The following POGZ variants were observed in gnomAD, a reference collection of about 807,000 sequenced individuals.
POGZ encodes the protein pogo transposable element with ZNF domain.
A neutral mutation model predicts 134.6 loss-of-function variants in POGZ; 17 were observed. That is an observed-to-expected ratio of 0.13 (90% confidence interval 0.09 to 0.19). The LOEUF (loss-of-function observed/expected upper bound fraction) is 0.19. Among genes scored for constraint, POGZ ranks in the 10% least tolerant of loss-of-function variants. The pLI is 1.00. For missense variants in POGZ, 1,306 were observed against 1,769.7 expected (o/e 0.74, Z 4.70); for synonymous variants, 693 against 657.1 (o/e 1.05, Z -0.84).
intron 1 of POGZ, among the ~76,000 whole-genome samples, chr1:151,453,508 A>G (rs1662397407): frequency 6.6e-6 from 1 of 150,610 alleles, no homozygotes; most frequent in African/African-American, 2.4e-5. Context: ...TAGTTAAATA[A>G]GAAATAACAA....
Position 151,429,639 on chromosome 1 carries a change from GCTGTACGTT to G in POGZ, c.523_531del (p.Asn175_Gln177del). The G allele has an allele frequency of 6.2e-7, 1 of 1,611,254 alleles. No homozygotes were observed. Among genetic ancestry groups the G allele is most frequent in the Non-Finnish European group, 8.5e-7 (1 of 1,177,440 alleles). On this transcript the variant is annotated inframe_deletion, in exon 5 of 19. Coordinates refer to ENST00000271715, the MANE Select transcript of POGZ (RefSeq NM_015100.4). ...GTAATTGGTCTAACCGTTTGGCCTT[GCTGTACGTT>G]CAGCACAATCCCAACCTGATTCATT...
rs1465184335 is a variant in POGZ, at chr1:151,408,491, G to A, written c.2152C>T (p.Leu718=). 1 of 1,594,540 alleles carries A rather than the reference G, an allele frequency of 6.3e-7. No homozygotes were observed. Among genetic ancestry groups the A allele is most frequent in the Admixed American group, 1.9e-5 (1 of 52,712 alleles). ...GGCAGAGGGTCCATTGAGGAGGTCA[G>A]CGGTGCTGCCTCCTGCAAGGCGCTG... ...PPSALQEAAP[L]TSSMDPLPVF... Residue 718 remains leucine, a synonymous_variant, in exon 14 of 19, where the codon CTG becomes TTG. Transcript: ENST00000271715.
intron 1 of POGZ, among the ~76,000 whole-genome samples, chr1:151,449,536 G>A (rs562367002): frequency 3.3e-5 from 5 of 152,030 alleles, no homozygotes; most frequent in Non-Finnish European, 7.4e-5. Context: ...TTCTGAAAAC[G>A]AGGGCAATTA....
Position 151,428,179 on chromosome 1 carries a change from C to A in POGZ, c.803G>T (p.Gly268Val). ...GCCTGGAGACTGAACAGCTAGTTGC[C>A]CCAGTGAGGTTGGCTGTGTGGCAGT... is the stretch of plus-strand genomic sequence containing the variant. ...TPTATQPTSL[G>V]QLAVQSPGQS... The change falls in exon 6 of 19, where the codon GGG becomes GTG. Residue 268 changes from glycine to valine, a missense_variant. Transcript: ENST00000271715. The A allele has an allele frequency of 1.2e-6, 2 of 1,614,144 alleles. No individual in the cohort carries two copies. The highest frequency in any genetic ancestry group is 1.7e-6 in the Non-Finnish European group (2 of 1,180,034).
chr1:151,430,704 A>G lies in POGZ; in HGVS notation c.421T>C (p.Ser141Pro), dbSNP rs1658542036. 6.2e-7 allele frequency: 1 copy of G among 1,609,410 alleles called. No individual in the cohort carries two copies. Among genetic ancestry groups the G allele is most frequent in the African/African-American group, 1.3e-5 (1 of 74,280 alleles). The change falls in exon 4 of 19, where the codon TCC becomes CCC. Residue 141 changes from serine to proline, a missense_variant. Ser to Pro is a moderately conservative substitution (Grantham distance 74). Transcript: ENST00000271715. The part of the protein sequence containing the change: ...VMQNANHVTS[S>P]PVASQPIFIT... Reference sequence around the variant, plus strand: ...AATATTGGTTGTGAGGCCACAGGGGAACTAGTCACATGATTGGCATTCTGC... The same window carrying G: ...AATATTGGTTGTGAGGCCACAGGGGGACTAGTCACATGATTGGCATTCTGC...
At chr1:151,421,702 T>C (rs1342728852) in intron 10 of POGZ, among the ~76,000 whole-genome samples, 2 of 152,212 alleles carry the variant, frequency 1.3e-5, no homozygotes, top group African/African-American at 2.4e-5. Flanking sequence ...AATTCTAGGC[T>C]GAAGCATCCA....
rs1030236794 is a variant in POGZ at position 151,441,281 on chromosome 1, G to A, written c.125-195C>T. On this transcript the variant is annotated intron_variant, in intron 2 of 18. Coordinates refer to ENST00000271715, the MANE Select transcript of POGZ (RefSeq NM_015100.4). ...ACCATTTAAACACAATCCCTTCTTC[G>A]TCTCACATCTCCTGGTTAATTAAGT... Among the ~76,000 whole-genome samples, 5 of 151,982 alleles carry A rather than the reference G, an allele frequency of 3.3e-5. No homozygotes were observed. The East Asian group carries it at 5.8e-4, about 18-fold the overall frequency.
intron 10 of POGZ, among the ~76,000 whole-genome samples, chr1:151,415,978 C>CAG (rs1403419584): frequency 6.6e-6 from 1 of 151,928 alleles, no homozygotes; most frequent in Non-Finnish European, 1.5e-5. Flanking sequence ...CTTTGGGAGG[C>CAG]AGAGGCAGGC....
In POGZ at chr1:151,429,475, T is replaced by C. The variant is rs1054539041; in HGVS notation, c.568+128A>G. ...CAGATTTTTTAAAATTGGGCTTAAATCATTAATATTTTTATATTTTTAGAT... is the reference window on the plus strand; with the variant it reads ...CAGATTTTTTAAAATTGGGCTTAAACCATTAATATTTTTATATTTTTAGAT... On this transcript the variant is annotated intron_variant, in intron 5 of 18. Coordinates refer to ENST00000271715, the MANE Select transcript of POGZ (RefSeq NM_015100.4). The C allele has an allele frequency of 1.8e-5, 8 of 453,074 alleles. No homozygotes were observed. The East Asian group carries it at 2.8e-4, about 16-fold the overall frequency. 28.1% of individuals were successfully genotyped at this position (453,074 alleles called of 1,614,324 possible).
chr1:151,438,379 C>T (rs2102350004), intron 3 of POGZ, among the ~76,000 whole-genome samples: 1 of 152,040 alleles, frequency 6.6e-6, no homozygotes. Flanking sequence ...TGGTTACTTA[C>T]CAGTCTATAC....
At chr1:151,426,644 G>C (rs112737556) in intron 7 of POGZ, 1 of 151,998 alleles carries the variant, frequency 6.6e-6, no homozygotes, top group Non-Finnish European at 1.5e-5. Context: ...TGTTGACAAC[G>C]TCCTGCACAA....
At position 151,459,250 on chromosome 1, in the gene POGZ, A is replaced by C. The variant is rs1209859590; in HGVS notation, c.-100T>G. ...GCCAGAAGGGGGTGGGAGCAGGGGG[A>C]GGGGACGGGGGCTTGGGGGGAGACG... On this transcript the variant is annotated 5_prime_UTR_variant, in exon 1 of 19. Coordinates refer to ENST00000271715, the MANE Select transcript of POGZ (RefSeq NM_015100.4). 1 of 93,038 alleles carries C rather than the reference A, an allele frequency of 1.1e-5. No individual in the cohort carries two copies. The highest frequency in any genetic ancestry group is 2.4e-5 in the Non-Finnish European group (1 of 42,002). The allele number at this position is 93,038 out of a possible 1,614,324, so 5.8% of individuals were successfully genotyped here. A position where few individuals can be genotyped will look rare whatever the true frequency, so the allele number is the denominator to read the frequency against.
At chr1:151,436,215 C>T (rs1415908401) in intron 3 of POGZ, among the ~76,000 whole-genome samples, 1 of 152,150 alleles carries the variant, frequency 6.6e-6, no homozygotes, top group African/African-American at 2.4e-5. Flanking sequence ...GCCTTGGCTT[C>T]CCAAAGTGCT....
At chr1:151,421,819 C>T (rs968212775) in intron 10 of POGZ, among the ~76,000 whole-genome samples, 6 of 152,210 alleles carry the variant, frequency 3.9e-5, no homozygotes, top group African/African-American at 1.4e-4. Flanking sequence ...GTGGTGCGAT[C>T]TCAGCTCACT....
intron 15 of POGZ, among the ~76,000 whole-genome samples, chr1:151,407,736 CA>C (rs1313825920): frequency 6.6e-6 from 1 of 152,112 alleles, no homozygotes; most frequent in East Asian, 1.9e-4. Context: ...GGGCCGGGCG[CA>C]GTGGCTCATG....
intron 5 of POGZ, 144 bp downstream of exon 5, chr1:151,429,459 T>C: frequency 4.6e-6 from 2 of 437,230 alleles, no homozygotes; most frequent in South Asian, 8.9e-5. Flanking sequence ...GCAGATTTTT[T>C]AAAATTGGGC....
In POGZ at chr1:151,424,230, T is replaced by C. The variant is rs963242131; in HGVS notation, c.1242A>G (p.Glu414=). 6.2e-7 allele frequency: 1 copy of C among 1,612,672 alleles called. No individual in the cohort carries two copies. Among genetic ancestry groups the C allele is most frequent in the Non-Finnish European group, 8.5e-7 (1 of 1,179,348 alleles). Residue 414 remains glutamate, a synonymous_variant, in exon 9 of 19, where the codon GAA becomes GAG. Transcript: ENST00000271715. ...YQKKGKSLDS[E]PSVPSAAKPP... ...GCTTTGCTGCTGATGGGACACTGGGTTCTGAATCCAGGGACTTTCCTTTCT... is the reference window on the plus strand; with the variant it reads ...GCTTTGCTGCTGATGGGACACTGGGCTCTGAATCCAGGGACTTTCCTTTCT...
At chr1:151,438,640 G>T (rs1660018945) in intron 3 of POGZ, among the ~76,000 whole-genome samples, 1 of 152,152 alleles carries the variant, frequency 6.6e-6, no homozygotes, top group Non-Finnish European at 1.5e-5. Flanking sequence ...CACTTTGGGA[G>T]GCCAAGGAGG....
At chr1:151,458,805 G>T (rs1245242071) in intron 1 of POGZ, among the ~76,000 whole-genome samples, 1 of 145,588 alleles carries the variant, frequency 6.9e-6, no homozygotes. Flanking sequence ...GCCGTGGGGC[G>T]CGAGTGCGCG....
Sources: gnomAD v4.1 joint callset for allele counts (sites outside exome capture counted in the v4.1 genomes callset) on GRCh38, gnomAD v4.1.1 for gene constraint, MANE v1.5 for transcripts, NCBI Gene and HGNC (gene_info 2026-07-23, HGNC 2026-07-21) for gene names.